SSBP3: variants seen among roughly 807,000 people sequenced by gnomAD.
SSBP3 encodes single stranded DNA binding protein 3, also known as single-stranded DNA-binding protein 3.
In SSBP3, 5 loss-of-function variants were observed where a neutral mutation model predicts 69.6. The observed-to-expected ratio is 0.07, with a 90% CI of 0.04 to 0.15. SSBP3 has a LOEUF of 0.15. Ranked by LOEUF, SSBP3 falls within the 10% of genes least tolerant of loss-of-function variation. The pLI is 1.00. For missense variants in SSBP3, 312 were observed against 534.0 expected, an observed-to-expected ratio of 0.58 and a Z score of 4.10; for synonymous variants, 196 against 193.4, an observed-to-expected ratio of 1.01 and a Z score of -0.11.
chr1:54,276,597 A>G (rs1373470696), intron 5 of SSBP3, among the ~76,000 whole-genome samples: 1 of 104,828 alleles, frequency 9.5e-6, no homozygotes, highest in Non-Finnish European at 1.8e-5. Context: ...TGACAGAGTG[A>G]GACTCTGTCT....
rs1569903934 is a variant in SSBP3, at chr1:54,352,324, G to T, written c.276+49537C>A. ...TTCAAGTCCTACTTCACCTAGCAGGGAATTACCTTGTTATCCTACTAAGTG... is the reference window on the plus strand; with the variant it reads ...TTCAAGTCCTACTTCACCTAGCAGGTAATTACCTTGTTATCCTACTAAGTG... On this transcript the variant is annotated intron_variant, in intron 4 of 17. Coordinates refer to ENST00000610401, the Ensembl canonical transcript of SSBP3. Among the ~76,000 whole-genome samples, 3 of 152,144 alleles carry T rather than the reference G, an allele frequency of 2.0e-5. No individual in the cohort carries two copies. The South Asian group carries it at 6.2e-4, about 32-fold the overall frequency.
At chr1:54,232,345 A>G (rs1202542328) in intron 14 of SSBP3, among the ~76,000 whole-genome samples, 1 of 152,144 alleles carries the variant, frequency 6.6e-6, no homozygotes, top group Admixed American at 6.5e-5. Flanking sequence ...CACCCAAGCT[A>G]GAGTGCACTC....
At chr1:54,277,438 C>T (rs587271) in intron 5 of SSBP3, among the ~76,000 whole-genome samples, 117,980 of 152,080 alleles carry the variant, frequency 0.78, 46,954 homozygotes, top group East Asian at 1. Context: ...ATCAGATGTG[C>T]ATCCACATTT....
intron 2 of SSBP3, 51 bp downstream of exon 2, chr1:54,404,807 G>T (rs760828685): frequency 2.6e-6 from 2 of 770,502 alleles, no homozygotes; most frequent in Non-Finnish European, 3.8e-6. Flanking sequence ...TCTAAGAATA[G>T]TGGGGGGGGG....
At chr1:54,238,780 T>G in intron 14 of SSBP3, 2 of 283,184 alleles carry the variant, frequency 7.1e-6, no homozygotes, top group South Asian at 3.2e-5. Flanking sequence ...AGGAGAGGGA[T>G]TGCCCGGGCC....
chr1:54,365,349 C>T (rs905687194), intron 4 of SSBP3, among the ~76,000 whole-genome samples: 2 of 151,176 alleles, frequency 1.3e-5, no homozygotes, highest in Admixed American at 6.6e-5. Flanking sequence ...GAAAGGTGTG[C>T]GTGTGTGTGT....
At chr1:54,225,569 C>T (rs1053353305) in exon 18 of SSBP3, 2 of 516,270 alleles carry the variant, frequency 3.9e-6, no homozygotes, top group African/African-American at 4.0e-5. Flanking sequence ...GAAACAGCTA[C>T]AATGTTCCCA....
intron 4 of SSBP3, among the ~76,000 whole-genome samples, chr1:54,289,726 C>A (rs1225592044): frequency 6.6e-6 from 1 of 152,066 alleles, no homozygotes; most frequent in Non-Finnish European, 1.5e-5. Context: ...GTCATTTTAA[C>A]CCTCCCTGGG....
intron 9 of SSBP3, among the ~76,000 whole-genome samples, chr1:54,249,041 C>T (rs1365604583): frequency 1.3e-5 from 2 of 152,120 alleles, no homozygotes; most frequent in Non-Finnish European, 2.9e-5. Context: ...GAGAGTCTCA[C>T]TGCAGGGCCT....
chr1:54,327,215 GAAAAGGAAGGAAGGAAGGAAGGAA>G (rs975373011), intron 4 of SSBP3, among the ~76,000 whole-genome samples: 23 of 96,938 alleles, frequency 2.4e-4, no homozygotes, highest in Admixed American at 7.1e-4. Context: ...GAAAGAGAGG[GAAAAGGAAGGAAGGAAGGAAGGAA>G]GGAAGGAAGG....
intron 4 of SSBP3, among the ~76,000 whole-genome samples, chr1:54,372,817 G>A (rs1177411667): frequency 6.6e-6 from 1 of 152,190 alleles, no homozygotes. Context: ...TGAGGCCCCA[G>A]GGGCCAGGCA....
chr1:54,297,008 T>C (rs1433003793), intron 4 of SSBP3, among the ~76,000 whole-genome samples: 1 of 152,208 alleles, frequency 6.6e-6, no homozygotes, highest in Admixed American at 6.5e-5. Context: ...CTCATTTATT[T>C]TATATCCGAC....
chr1:54,398,608 G>C (rs1649064580), intron 4 of SSBP3, among the ~76,000 whole-genome samples: 1 of 152,134 alleles, frequency 6.6e-6, no homozygotes, highest in Non-Finnish European at 1.5e-5. Flanking sequence ...GTGTCTAAGA[G>C]AACCCAAAGA....
chr1:54,253,966 T>C (rs866117128), intron 7 of SSBP3, among the ~76,000 whole-genome samples: 2 of 152,202 alleles, frequency 1.3e-5, no homozygotes, highest in African/African-American at 2.4e-5. Context: ...AGAGGGGACC[T>C]GGAGGTCGCG....
chr1:54,243,415 G>A, intron 9 of SSBP3, 116 bp from the exon 10 acceptor site: 3 of 1,288,060 alleles, frequency 2.3e-6, no homozygotes, highest in Non-Finnish European at 2.2e-6. Flanking sequence ...AAGGATTGAT[G>A]AGAAAAAATA....
chr1:54,296,139 TAACTTTAAGG>T (rs1172533260), intron 4 of SSBP3, among the ~76,000 whole-genome samples: 1 of 152,244 alleles, frequency 6.6e-6, no homozygotes, highest in East Asian at 1.9e-4. Context: ...TATAAAGATG[TAACTTTAAGG>T]AACAGACCAG....
chr1:54,272,477 G>C (rs1222996702), intron 5 of SSBP3, among the ~76,000 whole-genome samples: 1 of 141,772 alleles, frequency 7.1e-6, no homozygotes, highest in African/African-American at 2.9e-5. Flanking sequence ...TAAGGAATTT[G>C]ACCTTTTTTT....
At chr1:54,272,826 G>A (rs1645218742) in intron 5 of SSBP3, among the ~76,000 whole-genome samples, 1 of 152,246 alleles carries the variant, frequency 6.6e-6, no homozygotes, top group Non-Finnish European at 1.5e-5. Context: ...TAAGCATGAG[G>A]TGAACGCAGC....
chr1:54,264,777 G>T (rs1461374408), intron 5 of SSBP3, among the ~76,000 whole-genome samples: 1 of 152,214 alleles, frequency 6.6e-6, no homozygotes, highest in Non-Finnish European at 1.5e-5. Flanking sequence ...TTCACAGAAG[G>T]CTGCTGAGGA....
Sources: allele counts gnomAD v4.1 joint callset (sites outside exome capture counted in the v4.1 genomes callset), GRCh38; gene constraint gnomAD v4.1.1; transcripts MANE v1.5; gene names NCBI Gene and HGNC (gene_info 2026-07-23, HGNC 2026-07-21).